HPSE2: variants seen among roughly 807,000 people sequenced by gnomAD.
The protein encoded by HPSE2 is heparanase 2 (inactive).
HPSE2 carries 38 observed loss-of-function variants against 60.5 expected under a neutral mutation model. The ratio of observed to expected loss-of-function variants is 0.63; its 90% CI spans 0.48 to 0.82. The LOEUF is 0.82. HPSE2 is among the 40% of genes least tolerant of loss of function. The pLI, the probability that HPSE2 is intolerant of heterozygous loss-of-function variation, is 0.00. For missense variants in HPSE2, 713 were observed against 740.4 expected, an observed-to-expected ratio of 0.96 and a Z score of 0.43; for synonymous variants, 295 against 293.2, an observed-to-expected ratio of 1.01 and a Z score of -0.06.
intron 3 of HPSE2, among the ~76,000 whole-genome samples, chr10:98,792,905 C>T (rs773921878): frequency 8.5e-5 from 13 of 152,260 alleles, no homozygotes; most frequent in Non-Finnish European, 1.8e-4. Context: ...AAATGAGGAA[C>T]GTTGTTACTT....
intron 9 of HPSE2, among the ~76,000 whole-genome samples, chr10:98,505,358 T>C (rs1230495370): frequency 6.6e-6 from 1 of 152,194 alleles, no homozygotes; most frequent in Non-Finnish European, 1.5e-5. Flanking sequence ...CTGATGCTCA[T>C]TAAAGTTTAA....
intron 4 of HPSE2, 57 bp downstream of exon 4, chr10:98,743,826 C>T: frequency 1.3e-6 from 2 of 1,506,102 alleles, no homozygotes; most frequent in Admixed American, 3.3e-5. Flanking sequence ...GTATCACAAG[C>T]CAACTTATTT....
chr10:98,847,604 T>A (rs1952064621), intron 3 of HPSE2, among the ~76,000 whole-genome samples: 1 of 152,244 alleles, frequency 6.6e-6, no homozygotes, highest in Non-Finnish European at 1.5e-5. Flanking sequence ...AAAAGAATCA[T>A]GATAGCTTAT....
At chr10:98,884,737 G>A (rs935790013) in intron 3 of HPSE2, among the ~76,000 whole-genome samples, 27 of 151,914 alleles carry the variant, frequency 1.8e-4, no homozygotes, top group African/African-American at 6.3e-4. Flanking sequence ...CGAGGAGGAC[G>A]GTTTCAGGGT....
the HPSE2 span, among the ~76,000 whole-genome samples, chr10:99,251,921 C>T: frequency 1.4e-5 from 2 of 147,422 alleles, no homozygotes; most frequent in African/African-American, 2.5e-5. Flanking sequence ...TGCCTGTAGT[C>T]GCAGCTACTC....
At chr10:98,863,674 T>C (rs573223853) in intron 3 of HPSE2, among the ~76,000 whole-genome samples, 1 of 152,316 alleles carries the variant, frequency 6.6e-6, no homozygotes, top group South Asian at 2.1e-4. Context: ...ATGGGTTAAA[T>C]ATTCCTTCAA....
chr10:99,166,011 T>C (rs1233123843), intron 2 of HPSE2, among the ~76,000 whole-genome samples: 6 of 152,202 alleles, frequency 3.9e-5, no homozygotes, highest in Non-Finnish European at 8.8e-5. Flanking sequence ...TGTTTATCTG[T>C]TTCTATAGCT....
chr10:98,473,956 A>T (rs1019078015), intron 11 of HPSE2, among the ~76,000 whole-genome samples: 1 of 152,196 alleles, frequency 6.6e-6, no homozygotes, highest in Non-Finnish European at 1.5e-5. Flanking sequence ...TACCTTTATA[A>T]AGTCATCTTT....
intron 3 of HPSE2, among the ~76,000 whole-genome samples, chr10:98,957,955 G>T (rs1955551193): frequency 6.6e-6 from 1 of 152,172 alleles, no homozygotes; most frequent in Non-Finnish European, 1.5e-5. Flanking sequence ...TCATACAGGG[G>T]TTTGTGGGGA....
At chr10:99,115,736 A>T (rs147485873) in intron 3 of HPSE2, among the ~76,000 whole-genome samples, 9 of 152,316 alleles carry the variant, frequency 5.9e-5, no homozygotes, top group African/African-American at 2.2e-4. Context: ...GGTTGAATCT[A>T]ATGAAAAATT....
intron 3 of HPSE2, among the ~76,000 whole-genome samples, chr10:98,759,003 C>T (rs576451329): frequency 1.3e-5 from 2 of 152,156 alleles, no homozygotes; most frequent in African/African-American, 4.8e-5. Context: ...TAGTATGAAG[C>T]CACAAAAAGA....
chr10:98,910,664 T>C (rs1049863561), intron 3 of HPSE2, among the ~76,000 whole-genome samples: 2 of 152,174 alleles, frequency 1.3e-5, no homozygotes, highest in African/African-American at 4.8e-5. Context: ...AATCTCTCAG[T>C]GTCAACGTAT....
intron 3 of HPSE2, among the ~76,000 whole-genome samples, chr10:99,133,939 A>G (rs1303261100): frequency 2.0e-5 from 3 of 152,188 alleles, no homozygotes; most frequent in Admixed American, 1.3e-4. Flanking sequence ...CTAAAGGAGC[A>G]TGTTCTAACC....
intron 3 of HPSE2, among the ~76,000 whole-genome samples, chr10:98,880,528 T>C (rs1952994236): frequency 6.6e-6 from 1 of 152,118 alleles, no homozygotes; most frequent in African/African-American, 2.4e-5. Context: ...TTAGCCTCTA[T>C]GAATCTCAGG....
chr10:99,099,925 G>A (rs1173606625), intron 3 of HPSE2, among the ~76,000 whole-genome samples: 1 of 152,206 alleles, frequency 6.6e-6, no homozygotes, highest in East Asian at 1.9e-4. Context: ...AACTGCAGCT[G>A]AGGGTCCTGA....
intron 9 of HPSE2, among the ~76,000 whole-genome samples, chr10:98,552,713 T>C (rs1943897952): frequency 6.6e-6 from 1 of 152,210 alleles, no homozygotes; most frequent in African/African-American, 2.4e-5. Context: ...ATGTCATTGT[T>C]TAATTATCAG....
At chr10:99,158,748 A>T (rs201738483) in intron 2 of HPSE2, among the ~76,000 whole-genome samples, 15 of 142,404 alleles carry the variant, frequency 1.1e-4, no homozygotes, top group South Asian at 4.4e-4. Context: ...AAGTATAATT[A>T]AAAAAAAAAA....
chr10:99,202,284 G>A (rs552420920), intron 2 of HPSE2, among the ~76,000 whole-genome samples: 1 of 152,146 alleles, frequency 6.6e-6, no homozygotes, highest in African/African-American at 2.4e-5. Context: ...GATACTAAGA[G>A]GATCGTTAGC....
rs200037982 is a variant in HPSE2, at chr10:99,227,863, G to GTA, written c.448+4483_448+4484dup. ...TATATATATATATAAAGTTGAATGT[G>GTA]TATATATGTGTGTGTGTGTGTGTGT... On this transcript the variant is annotated intron_variant, in intron 2 of 11. Transcript: ENST00000370552. Among the ~76,000 whole-genome samples the GTA allele has an allele frequency of 1.6e-3, 221 of 139,856 alleles. 2 individuals are homozygous for GTA. Among genetic ancestry groups the GTA allele is most frequent in the African/African-American group, 4.9e-3 (182 of 36,918 alleles). The allele number at this position is 139,856 out of a possible 152,430, so 91.8% of individuals were successfully genotyped here.
Sources: gnomAD v4.1 joint callset for allele counts (sites outside exome capture counted in the v4.1 genomes callset) on GRCh38, gnomAD v4.1.1 for gene constraint, MANE v1.5 for transcripts, NCBI Gene and HGNC (gene_info 2026-07-23, HGNC 2026-07-21) for gene names.